The following SLC25A12 variants were observed in gnomAD, a reference collection of about 807,000 sequenced individuals.
The protein encoded by SLC25A12 is solute carrier family 25 member 12.
Under a neutral mutation model 83.3 loss-of-function variants are expected in SLC25A12, and 32 were observed. That is an observed-to-expected ratio of 0.38 (90% CI 0.29 to 0.52). The LOEUF is 0.52. SLC25A12 is among the 20% of genes least tolerant of loss of function. The pLI is 0.84. For missense variants in SLC25A12, 611 were observed against 835.6 expected, an observed-to-expected ratio of 0.73 and a Z score of 3.31; for synonymous variants, 267 against 291.1, an observed-to-expected ratio of 0.92 and a Z score of 0.84.
intron 10 of SLC25A12, among the ~76,000 whole-genome samples, chr2:171,813,921 G>A (rs1410880114): frequency 5.3e-5 from 8 of 152,118 alleles, no homozygotes; most frequent in Admixed American, 3.3e-4. Flanking sequence ...AGGTGGCTAC[G>A]ATTTTAAAAT....
At chr2:171,845,107 T>C (rs983438850) in intron 4 of SLC25A12, among the ~76,000 whole-genome samples, 10 of 152,094 alleles carry the variant, frequency 6.6e-5, no homozygotes, top group Non-Finnish European at 1.5e-5. Context: ...CCCCATAAAA[T>C]CCATGATTAT....
At chr2:171,844,612 T>G in intron 4 of SLC25A12, 104 bp from the exon 5 acceptor site, 1 of 785,424 alleles carries the variant, frequency 1.3e-6, no homozygotes, top group Non-Finnish European at 2.1e-6. Context: ...TAAAAGTCAA[T>G]ATCATCTGCT....
rs1683537784 is a variant in SLC25A12 at position 171,793,757 on chromosome 2, G to A, written c.1316C>T (p.Ser439Phe). 1.2e-6 allele frequency: 2 copies of A among 1,614,144 alleles called. No homozygotes were observed. The highest frequency in any genetic ancestry group is 1.7e-6 in the Non-Finnish European group (2 of 1,180,016). ...EVLAGGCAGG[S>F]QVIFTNPLEI... ...CAATGGGTTGGTAAAAATGACCTGAGAGCCTCCAGCCTGTAGGCAAGGGAG... is the reference window on the plus strand; with the variant it reads ...CAATGGGTTGGTAAAAATGACCTGAAAGCCTCCAGCCTGTAGGCAAGGGAG... The change falls in exon 14 of 18, where the codon TCT becomes TTT. Residue 439 changes from serine (S) to phenylalanine (F), a missense_variant. Ser to Phe is a radical substitution (Grantham distance 155, BLOSUM62 -2). Around this residue, in one of 3 missense-constraint regions of SLC25A12, gnomAD observed 540 missense variants for 777.5 expected, o/e 0.69. Transcript: ENST00000422440.
chr2:171,808,025 T>C (rs980290951), intron 13 of SLC25A12, among the ~76,000 whole-genome samples: 5 of 152,098 alleles, frequency 3.3e-5, no homozygotes, highest in Admixed American at 1.3e-4. Context: ...TCACTTCAGG[T>C]TTCACAAGCA....
chr2:171,894,151 C>T, intron 1 of SLC25A12, 52 bp downstream of exon 1: 3 of 1,590,160 alleles, frequency 1.9e-6, no homozygotes, highest in South Asian at 1.1e-5. Flanking sequence ...GCAGGCAGGG[C>T]GCTCGGAATG....
Position 171,890,477 on chromosome 2 carries a change from C to CTGTGTGTGTGTGTG in SLC25A12, c.66+2714_66+2727dup, listed in dbSNP as rs34728188. ...ACTAGCAATACTGTATCGTGTGTGT[C>CTGTGTGTGTGTGTG]TGTGTGTGTGTGTGTGTGTGTGTGT... On this transcript the variant is annotated intron_variant, in intron 2 of 17. Coordinates refer to ENST00000422440, the MANE Select transcript of SLC25A12 (RefSeq NM_003705.5). 1.2e-4 allele frequency among the ~76,000 whole-genome samples: 18 copies of CTGTGTGTGTGTGTG among 149,308 alleles called. No homozygotes were observed. The East Asian group carries it at 2.9e-3, about 24-fold the overall frequency.
intron 13 of SLC25A12, among the ~76,000 whole-genome samples, chr2:171,804,246 T>G (rs984075895): frequency 2.2e-5 from 3 of 135,778 alleles, no homozygotes; most frequent in African/African-American, 7.4e-5. Flanking sequence ...CCACATATCA[T>G]GATTCCTTAT....
At chr2:171,830,354 T>C (rs916997048) in intron 8 of SLC25A12, among the ~76,000 whole-genome samples, 2 of 152,192 alleles carry the variant, frequency 1.3e-5, no homozygotes, top group Non-Finnish European at 2.9e-5. Flanking sequence ...TAAATACCAC[T>C]AGATAGCTTA....
intron 4 of SLC25A12, chr2:171,848,224 T>C: frequency 2.1e-6 from 1 of 471,114 alleles, no homozygotes. Context: ...GCCTGTTCCA[T>C]GAATGAGCCT....
At chr2:171,793,014 C>T (rs1226735463) in intron 14 of SLC25A12, among the ~76,000 whole-genome samples, 1 of 152,034 alleles carries the variant, frequency 6.6e-6, no homozygotes, top group Non-Finnish European at 1.5e-5. Context: ...AAAATAATAG[C>T]TTCTGCTCCA....
At position 171,869,853 on chromosome 2, in the gene SLC25A12, C is replaced by T. The variant is rs148736971; in HGVS notation, c.67-1030G>A. ...TCTACACTAGGGCCTGGCCCATCATCGTTAAATTGCAGAACATCCAAATGA... is the reference window on the plus strand; with the variant it reads ...TCTACACTAGGGCCTGGCCCATCATTGTTAAATTGCAGAACATCCAAATGA... On this transcript the variant is annotated intron_variant, in intron 2 of 17. Transcript: ENST00000422440. Among the ~76,000 whole-genome samples the T allele has an allele frequency of 3.4e-4, 52 of 152,306 alleles. No individual in the cohort carries two copies. The East Asian group carries it at 9.4e-3, about 28-fold the overall frequency.
In SLC25A12 at chr2:171,784,634, G is replaced by C. The variant is rs1178248747; in HGVS notation, c.*640C>G. ...AATGGAAACACATCAGCACACACAAGTCATTAGCCTGGTCCTCTGGCATCC... is the reference window on the plus strand; with the variant it reads ...AATGGAAACACATCAGCACACACAACTCATTAGCCTGGTCCTCTGGCATCC... On this transcript the variant is annotated 3_prime_UTR_variant, in exon 18 of 18. Coordinates refer to ENST00000422440, the MANE Select transcript of SLC25A12 (RefSeq NM_003705.5). 1 of 163,054 alleles carries C rather than the reference G, an allele frequency of 6.1e-6. No individual in the cohort carries two copies. The highest frequency in any genetic ancestry group is 1.4e-5 in the Non-Finnish European group (1 of 73,970). 10.1% of individuals were successfully genotyped at this position (163,054 alleles called of 1,614,324 possible).
chr2:171,807,583 T>G (rs1346812314), intron 13 of SLC25A12, among the ~76,000 whole-genome samples: 1 of 152,208 alleles, frequency 6.6e-6, no homozygotes, highest in Non-Finnish European at 1.5e-5. Context: ...GCATGTGCTG[T>G]GATAAAAATG....
At chr2:171,849,052 G>A (rs866020906) in intron 4 of SLC25A12, among the ~76,000 whole-genome samples, 17 of 152,234 alleles carry the variant, frequency 1.1e-4, no homozygotes, top group Admixed American at 4.6e-4. Context: ...TTAGTTGGGC[G>A]TGGTGGCACA....
chr2:171,793,933 G>A (rs1574676000), intron 13 of SLC25A12, among the ~76,000 whole-genome samples, 166 bp from the exon 14 acceptor site: 1 of 152,192 alleles, frequency 6.6e-6, no homozygotes, highest in African/African-American at 2.4e-5. Context: ...GCCAACCCTG[G>A]AGAGGTTCAG....
chr2:171,875,410 C>G (rs1418332574), intron 2 of SLC25A12, among the ~76,000 whole-genome samples: 1 of 152,134 alleles, frequency 6.6e-6, no homozygotes, highest in Non-Finnish European at 1.5e-5. Flanking sequence ...TGCCAAGAAC[C>G]TGTACAACTT....
chr2:171,847,046 C>T (rs1420155367), intron 4 of SLC25A12, among the ~76,000 whole-genome samples: 1 of 152,128 alleles, frequency 6.6e-6, no homozygotes, highest in Non-Finnish European at 1.5e-5. Context: ...TGGACATTTT[C>T]TACTTCTCCC....
At chr2:171,862,698 C>T (rs1198584491) in intron 3 of SLC25A12, among the ~76,000 whole-genome samples, 2 of 152,196 alleles carry the variant, frequency 1.3e-5, no homozygotes, top group Non-Finnish European at 2.9e-5. Flanking sequence ...CTCATTCAGA[C>T]TTGGTCTTGA....
chr2:171,822,807 T>C (rs1684221030), intron 9 of SLC25A12, among the ~76,000 whole-genome samples: 1 of 152,228 alleles, frequency 6.6e-6, no homozygotes, highest in African/African-American at 2.4e-5. Flanking sequence ...TTCTCCATCA[T>C]AAACAAGTGT....
Sources: allele counts gnomAD v4.1 joint callset (sites outside exome capture counted in the v4.1 genomes callset), GRCh38; gene constraint gnomAD v4.1.1; regional missense constraint gnomAD v4.1.1; transcripts MANE v1.5; gene names NCBI Gene and HGNC (gene_info 2026-07-23, HGNC 2026-07-21).